Variants in CD8B2 observed in about 807,000 individuals in gnomAD.
The protein encoded by CD8B2 is CD8B family member 2.
In CD8B2, 11 loss-of-function variants were observed where a neutral mutation model predicts 23.7. The observed-to-expected ratio is 0.46, with a 90% CI of 0.29 to 0.77. CD8B2 has a LOEUF of 0.77. Ranked by LOEUF, CD8B2 falls within the 30% of genes least tolerant of loss-of-function variation. The probability of loss-of-function intolerance (pLI) is 0.09; values close to 1 mark genes in which losing one functional copy is unlikely to be tolerated. For synonymous variants in CD8B2, 90 were observed against 109.3 expected, an observed-to-expected ratio of 0.82 and a Z score of 1.10; for missense variants, 197 against 270.5, an observed-to-expected ratio of 0.73 and a Z score of 1.91.
intron 3 of CD8B2, among the ~76,000 whole-genome samples, chr2:106,499,275 A>G (rs1035307998): frequency 2.6e-5 from 4 of 152,034 alleles, no homozygotes; most frequent in Non-Finnish European, 5.9e-5. Context: ...GCTCACACCT[A>G]TAATCCCAGC....
At chr2:106,521,908 G>A (rs916752125) in intron 5 of CD8B2, 1 of 152,368 alleles carries the variant, frequency 6.6e-6, no homozygotes, top group Non-Finnish European at 1.5e-5. Context: ...GGCCAACCAT[G>A]GAGTGTCTGG....
chr2:106,527,809 A>ACAAG (rs1307743055), intron 5 of CD8B2, among the ~76,000 whole-genome samples: 5 of 150,984 alleles, frequency 3.3e-5, no homozygotes, highest in Non-Finnish European at 7.4e-5. Flanking sequence ...AAAACAAAAA[A>ACAAG]CAAACAAACA....
chr2:106,540,735 T>C (rs1241142276), intron 5 of CD8B2, among the ~76,000 whole-genome samples: 1 of 152,134 alleles, frequency 6.6e-6, no homozygotes, highest in Non-Finnish European at 1.5e-5. Flanking sequence ...AGGCTAATTT[T>C]TCTATTTTTT....
chr2:106,518,487 A>G (rs1348555050), intron 5 of CD8B2, among the ~76,000 whole-genome samples: 2 of 152,206 alleles, frequency 1.3e-5, no homozygotes, highest in Non-Finnish European at 2.9e-5. Flanking sequence ...TTCTTTACTT[A>G]ATCAACTCAT....
intron 5 of CD8B2, among the ~76,000 whole-genome samples, chr2:106,505,222 A>G (rs941346202): frequency 1.3e-5 from 2 of 152,196 alleles, no homozygotes; most frequent in Non-Finnish European, 2.9e-5. Context: ...CTGCCTATCC[A>G]GTTAATTACA....
In CD8B2 at chr2:106,507,405, G is replaced by T; in HGVS notation, c.*465G>T. The T allele has an allele frequency of 1.0e-6, 1 of 986,514 alleles. No homozygotes were observed. The allele number at this position is 986,514 out of a possible 1,614,324, so 61.1% of individuals were successfully genotyped here. ...CTGACCTTCCTCGCAGAGAGGCCAG[G>T]TGCAGGTTGGGAATGAGGCTTGCTG... On this transcript the variant is annotated 3_prime_UTR_variant, in exon 6 of 6. Transcript: ENST00000643224.
intron 5 of CD8B2, among the ~76,000 whole-genome samples, chr2:106,517,855 G>A (rs1679754908): frequency 6.6e-6 from 1 of 151,930 alleles, no homozygotes; most frequent in Non-Finnish European, 1.5e-5. Flanking sequence ...TGGGACTACA[G>A]GCGCCCGCCA....
intron 5 of CD8B2, among the ~76,000 whole-genome samples, chr2:106,524,253 T>C (rs1679875801): frequency 6.6e-6 from 1 of 152,176 alleles, no homozygotes; most frequent in Non-Finnish European, 1.5e-5. Flanking sequence ...AGAGTTCTAT[T>C]TTCATACATG....
intron 5 of CD8B2, among the ~76,000 whole-genome samples, chr2:106,529,189 C>G (rs1465019343): frequency 6.6e-6 from 1 of 152,166 alleles, no homozygotes; most frequent in Non-Finnish European, 1.5e-5. Flanking sequence ...AAAGAAGACT[C>G]TGTTATCTGC....
intron 5 of CD8B2, among the ~76,000 whole-genome samples, chr2:106,519,282 G>C (rs1048586229): frequency 6.6e-6 from 1 of 152,204 alleles, no homozygotes; most frequent in Non-Finnish European, 1.5e-5. Flanking sequence ...CACCTTGGGG[G>C]ATAGTGGGTG....
chr2:106,534,746 G>GAA (rs1680059794), intron 5 of CD8B2, among the ~76,000 whole-genome samples: 3 of 152,184 alleles, frequency 2.0e-5, no homozygotes, highest in Non-Finnish European at 4.4e-5. Flanking sequence ...AAAGCTCCCT[G>GAA]GGGAGGTAGG....
chr2:106,518,915 T>A (rs982976332), intron 5 of CD8B2, among the ~76,000 whole-genome samples: 1 of 151,822 alleles, frequency 6.6e-6, no homozygotes. Flanking sequence ...AACTCCTCCA[T>A]CCCTCCATCC....
At chr2:106,522,783 G>C (rs943918959) in intron 5 of CD8B2, among the ~76,000 whole-genome samples, 1 of 152,138 alleles carries the variant, frequency 6.6e-6, no homozygotes, top group Non-Finnish European at 1.5e-5. Context: ...AATTATGTAC[G>C]TAGGTTTGCA....
At chr2:106,501,403 C>T (rs1679401618) in intron 3 of CD8B2, among the ~76,000 whole-genome samples, 4 of 152,198 alleles carry the variant, frequency 2.6e-5, no homozygotes, top group African/African-American at 9.6e-5. Context: ...TATTTAAGGC[C>T]AGTTGCGGTA....
chr2:106,520,525 G>C (rs111646604), intron 5 of CD8B2, among the ~76,000 whole-genome samples: 1 of 152,168 alleles, frequency 6.6e-6, no homozygotes. Flanking sequence ...TGTTGTCTGC[G>C]ATAATATCCG....
At chr2:106,531,352 T>G (rs1263041009) in intron 5 of CD8B2, among the ~76,000 whole-genome samples, 2 of 152,208 alleles carry the variant, frequency 1.3e-5, no homozygotes, top group East Asian at 3.9e-4. Flanking sequence ...TTGCTTTTCC[T>G]TTTCCTTTGG....
At chr2:106,539,647 C>A (rs1345728944) in intron 5 of CD8B2, among the ~76,000 whole-genome samples, 2 of 152,260 alleles carry the variant, frequency 1.3e-5, no homozygotes, top group East Asian at 3.9e-4. Flanking sequence ...TTAAGATGGA[C>A]CATATCATAT....
At position 106,507,633 on chromosome 2, in the gene CD8B2, G is replaced by C. The variant is rs762185833; in HGVS notation, c.*693G>C. ...TTTGTTTTATACAAATGTCTTAGTT[G>C]TACAAATAAAGTCCCAGGTTAAAGA... On this transcript the variant is annotated 3_prime_UTR_variant, in exon 6 of 6. Coordinates refer to ENST00000643224, the MANE Select transcript of CD8B2 (RefSeq NM_001349727.2). 1.6e-5 allele frequency: 15 copies of C among 963,216 alleles called. No individual in the cohort carries two copies. The highest frequency in any genetic ancestry group is 1.7e-5 in the Non-Finnish European group (14 of 809,900). 59.7% of individuals were successfully genotyped at this position (963,216 alleles called of 1,614,324 possible).
intron 1 of CD8B2, 107 bp from the exon 2 acceptor site, chr2:106,490,767 C>T: frequency 1.3e-6 from 2 of 1,518,024 alleles, no homozygotes; most frequent in South Asian, 1.4e-5. Flanking sequence ...AGTAACTGGG[C>T]AGGTTCTTCC....
Sources: allele counts gnomAD v4.1 joint callset (sites outside exome capture counted in the v4.1 genomes callset), GRCh38; gene constraint gnomAD v4.1.1; transcripts MANE v1.5; gene names NCBI Gene and HGNC (gene_info 2026-07-23, HGNC 2026-07-21).